The following PLEKHG3 variants were observed in gnomAD, a reference collection of about 807,000 sequenced individuals.
PLEKHG3 encodes the protein pleckstrin homology domain-containing family G member 3.
Under a neutral mutation model 94.9 loss-of-function variants are expected in PLEKHG3, and 62 were observed. The ratio of observed to expected loss-of-function variants is 0.65; its 90% CI spans 0.53 to 0.81. The LOEUF (loss-of-function observed/expected upper bound fraction) is 0.81, where lower values mean the gene tolerates loss of function less well. Among genes scored for constraint, PLEKHG3 ranks in the 30% least tolerant of loss-of-function variants. PLEKHG3 has a pLI of 0.00. For missense variants in PLEKHG3, 1,461 were observed against 1,619.3 expected, an observed-to-expected ratio of 0.90 and a Z score of 1.68; for synonymous variants, 614 against 654.0, an observed-to-expected ratio of 0.94 and a Z score of 0.93.
intron 1 of PLEKHG3, among the ~76,000 whole-genome samples, chr14:64,724,656 A>G (rs1018563102): frequency 3.3e-5 from 5 of 152,238 alleles, no homozygotes; most frequent in Non-Finnish European, 5.9e-5. Flanking sequence ...TCCGAGTGTC[A>G]TGTCATAAGC....
chr14:64,741,212 A>G lies in PLEKHG3; in HGVS notation c.1695A>G (p.Ala565=), dbSNP rs2139397267. 6.2e-7 allele frequency: 1 copy of G among 1,614,088 alleles called. No homozygotes were observed. Among genetic ancestry groups the G allele is most frequent in the Non-Finnish European group, 8.5e-7 (1 of 1,179,974 alleles). Residue 565 remains alanine, a synonymous_variant, in exon 16 of 17, where the codon GCA becomes GCG. Transcript: ENST00000247226. The part of the protein sequence containing the change: ...DPPGDMVDFV[A]AESTEDLKAL... ...CAGGTGACATGGTGGACTTCGTGGCAGCTGAGAGCACTGAGGACCTTAAGG... is the reference window on the plus strand; with the variant it reads ...CAGGTGACATGGTGGACTTCGTGGCGGCTGAGAGCACTGAGGACCTTAAGG...
chr14:64,731,729 C>T lies in PLEKHG3; in HGVS notation c.1048C>T (p.Leu350=). 1 of 1,613,106 alleles carries T rather than the reference C, an allele frequency of 6.2e-7. No individual in the cohort carries two copies. ...CTGCCCCTAGTGCTCCTCCCTGATG[C>T]TGATCGAAAGCACCAGAGACTCCCT... ...KGNIPCSSLM[L]IESTRDSLCF... The change falls in exon 9 of 17, where the codon CTG becomes TTG. Residue 350 remains leucine (L), a synonymous_variant. Transcript: ENST00000247226. This position sits in a 1 kb window ranked among gnomAD's most constrained non-coding sequence, Gnocchi z 6.1.
At chr14:64,708,058 A>G (rs1288897387) in intron 1 of PLEKHG3, among the ~76,000 whole-genome samples, 3 of 152,220 alleles carry the variant, frequency 2.0e-5, no homozygotes, top group African/African-American at 7.2e-5. Context: ...AAAGCTTTTC[A>G]TTTTAGATAT....
In PLEKHG3 at chr14:64,720,966, C is replaced by T. The variant is rs181910976; in HGVS notation, c.-39-6627C>T. Among the ~76,000 whole-genome samples, 11 of 152,310 alleles carry T rather than the reference C, an allele frequency of 7.2e-5. No individual in the cohort carries two copies. The East Asian group carries it at 2.1e-3, about 29-fold the overall frequency. ...ACTTCTGTCTGACTCTGACTCCTGC[C>T]GGATTCCTCTTACGAGGAGCCTTAT... On this transcript the variant is annotated intron_variant, in intron 1 of 16. Coordinates refer to ENST00000247226, the MANE Select transcript of PLEKHG3 (RefSeq NM_001308147.2). This position sits in a 1 kb window ranked among gnomAD's most constrained non-coding sequence, Gnocchi z 4.1.
At chr14:64,736,731 AG>A (rs2081577742) in intron 12 of PLEKHG3, 121 bp from the exon 13 acceptor site, 3 of 773,810 alleles carry the variant, frequency 3.9e-6, no homozygotes, top group East Asian at 2.5e-5. Flanking sequence ...CTATGACTGC[AG>A]GGGGCCAAGC....
chr14:64,743,593 G>A lies in PLEKHG3; in HGVS notation c.3550G>A (p.Ala1184Thr). Residue 1184 changes from alanine (A) to threonine (T), a missense_variant, in exon 17 of 17, where the codon GCA (alanine) becomes ACA (threonine). Physicochemically the swap from Ala to Thr is moderately conservative, Grantham distance 58. Transcript: ENST00000247226. This position sits in a 1 kb window ranked among gnomAD's most constrained non-coding sequence, Gnocchi z 7.2. ...GCAGGTTCAGGACTTCCAGCAGTCT[G>A]CAGAGTGCCAGCCGAAGGAAGAGGG... The part of the protein sequence containing the change: ...LGQVQDFQQS[A>T]ECQPKEEGSR... The A allele has an allele frequency of 6.2e-7, 1 of 1,612,952 alleles. No homozygotes were observed. The highest frequency in any genetic ancestry group is 8.5e-7 in the Non-Finnish European group (1 of 1,179,976).
At position 64,738,790 on chromosome 14, in the gene PLEKHG3, A is replaced by G; in HGVS notation, c.1453A>G (p.Ser485Gly). The change falls in exon 15 of 17, where the codon AGT becomes GGT. Residue 485 changes from serine (S) to glycine (G), a missense_variant. Around this residue, in one of 3 missense-constraint regions of PLEKHG3, gnomAD observed 1,201 missense variants for 1,295.5 expected, o/e 0.93. Coordinates refer to ENST00000247226, the MANE Select transcript of PLEKHG3 (RefSeq NM_001308147.2). The surrounding 1 kb of genome is among the most constrained non-coding windows in gnomAD (Gnocchi z 4.8). Reference protein sequence around the residue: ...SESSRSSRRPSGRSPTSTEKR... With the variant: ...SESSRSSRRPGGRSPTSTEKR... Reference sequence around the variant, plus strand: ...AAGCTCCAGGAGCAGCAGAAGGCCCAGTGGCCGGTCTCCAACCAGTACTGA... The same window carrying G: ...AAGCTCCAGGAGCAGCAGAAGGCCCGGTGGCCGGTCTCCAACCAGTACTGA... 1 of 1,600,784 alleles carries G rather than the reference A, an allele frequency of 6.2e-7. No individual in the cohort carries two copies. The highest frequency in any genetic ancestry group is 1.1e-5 in the South Asian group (1 of 88,446).
At position 64,742,034 on chromosome 14, in the gene PLEKHG3, C is replaced by T. The variant is rs1376831213; in HGVS notation, c.2517C>T (p.Gly839=). The T allele has an allele frequency of 1.9e-6, 3 of 1,594,752 alleles. No homozygotes were observed. The Admixed American group carries it at 5.1e-5, about 27-fold the overall frequency. ...GKGPGQGQAN[G]FDLHEPLFIL... ...GGCCAGGCCAGGGCCAGGCCAATGGCTTTGACCTGCATGAGCCACTCTTCA... is the reference window on the plus strand; with the variant it reads ...GGCCAGGCCAGGGCCAGGCCAATGGTTTTGACCTGCATGAGCCACTCTTCA... Residue 839 remains glycine (G), a synonymous_variant, in exon 16 of 17, where the codon GGC becomes GGT. Coordinates refer to ENST00000247226, the MANE Select transcript of PLEKHG3 (RefSeq NM_001308147.2).
In PLEKHG3 at chr14:64,721,362, C is replaced by T. The variant is rs957834022; in HGVS notation, c.-39-6231C>T. 1.3e-5 allele frequency among the ~76,000 whole-genome samples: 2 copies of T among 152,132 alleles called. No homozygotes were observed. Among genetic ancestry groups the T allele is most frequent in the Non-Finnish European group, 2.9e-5 (2 of 68,022 alleles). ...GCTTTCCTTTCCTTCCAAGGTCAGG[C>T]CGAGGGAACTTTCTGGACTTCAGTT... On this transcript the variant is annotated intron_variant, in intron 1 of 16. Coordinates refer to ENST00000247226, the MANE Select transcript of PLEKHG3 (RefSeq NM_001308147.2). The surrounding 1 kb of genome is among the most constrained non-coding windows in gnomAD (Gnocchi z 4.3).
At chr14:64,708,900 T>C (rs1223207487) in intron 1 of PLEKHG3, among the ~76,000 whole-genome samples, 2 of 145,044 alleles carry the variant, frequency 1.4e-5, no homozygotes, top group African/African-American at 5.1e-5. Context: ...TGCCAGTTGG[T>C]GCCTGGAGAC....
At chr14:64,737,191 T>G in intron 13 of PLEKHG3, 165 bp from the exon 14 acceptor site, 1 of 664,912 alleles carries the variant, frequency 1.5e-6, no homozygotes, top group Non-Finnish European at 2.7e-6. Flanking sequence ...TCAGTCATTC[T>G]TTTGAAAGCC....
chr14:64,727,519 CCTGGCAACCGT>C lies in PLEKHG3; in HGVS notation c.-39-72_-39-62del. 5.3e-6 allele frequency: 3 copies of C among 567,722 alleles called. No individual in the cohort carries two copies. Among genetic ancestry groups the C allele is most frequent in the South Asian group, 2.0e-5 (1 of 50,274 alleles). 35.2% of individuals were successfully genotyped at this position (567,722 alleles called of 1,614,324 possible). ...CCTTCCCACCCCACCTGCCCCCACCCCTGGCAACCGTCCCTCTGTTCTGTTTCTGTGGGCAT... is the reference window on the plus strand; with the variant it reads ...CCTTCCCACCCCACCTGCCCCCACCCCCCTCTGTTCTGTTTCTGTGGGCAT... On this transcript the variant is annotated intron_variant, in intron 1 of 16. Transcript: ENST00000247226. The surrounding 1 kb of genome is among the most constrained non-coding windows in gnomAD (Gnocchi z 6.0).
At chr14:64,705,102 G>T (rs1245272330) in intron 1 of PLEKHG3, among the ~76,000 whole-genome samples, 1 of 152,206 alleles carries the variant, frequency 6.6e-6, no homozygotes, top group Non-Finnish European at 1.5e-5. Flanking sequence ...GAGGACCCGA[G>T]CCTCGGCTCC....
At position 64,723,219 on chromosome 14, in the gene PLEKHG3, C is replaced by G. The variant is rs1388974738; in HGVS notation, c.-39-4374C>G. Among the ~76,000 whole-genome samples the G allele has an allele frequency of 6.6e-6, 1 of 152,156 alleles. No individual in the cohort carries two copies. The highest frequency in any genetic ancestry group is 1.5e-5 in the Non-Finnish European group (1 of 68,022). On this transcript the variant is annotated intron_variant, in intron 1 of 16. Transcript: ENST00000247226. The surrounding 1 kb of genome is among the most constrained non-coding windows in gnomAD (Gnocchi z 4.5). ...AAAGAAAAGAAACCTCCCTCTCTCC[C>G]CCTCTTCTGCCCCTGGATCCTTAAA...
At position 64,732,041 on chromosome 14, in the gene PLEKHG3, A is replaced by G. The variant is rs1566707413; in HGVS notation, c.1126-54A>G. ...GGTGGAAGCACTGTCCATGCTAGAC[A>G]GCTTCAGGCCTGTAATGATAACCAC... is the stretch of plus-strand genomic sequence containing the variant. On this transcript the variant is annotated intron_variant, in intron 9 of 16. Coordinates refer to ENST00000247226, the MANE Select transcript of PLEKHG3 (RefSeq NM_001308147.2). The surrounding 1 kb of genome is among the most constrained non-coding windows in gnomAD (Gnocchi z 4.9). 1.5e-6 allele frequency: 2 copies of G among 1,313,474 alleles called. No homozygotes were observed. The highest frequency in any genetic ancestry group is 2.2e-6 in the Non-Finnish European group (2 of 905,948). The allele number at this position is 1,313,474 out of a possible 1,614,324, so 81.4% of individuals were successfully genotyped here. A position where few individuals can be genotyped will look rare whatever the true frequency, so the allele number is the denominator to read the frequency against.
intron 1 of PLEKHG3, among the ~76,000 whole-genome samples, chr14:64,710,379 G>C (rs1359780103): frequency 6.6e-6 from 1 of 152,182 alleles, no homozygotes; most frequent in Non-Finnish European, 1.5e-5. Flanking sequence ...GCAAATGAAA[G>C]AGGATAAAGG....
At chr14:64,729,373 CT>C (rs1243496365) in intron 3 of PLEKHG3, among the ~76,000 whole-genome samples, 1 of 152,242 alleles carries the variant, frequency 6.6e-6, no homozygotes, top group Non-Finnish European at 1.5e-5. Flanking sequence ...CACACTGGTT[CT>C]CTTCCCTGTG....
chr14:64,732,755 A>G lies in PLEKHG3; in HGVS notation c.1247-48A>G. The G allele has an allele frequency of 2.1e-6, 3 of 1,448,096 alleles. No homozygotes were observed. The highest frequency in any genetic ancestry group is 2.9e-6 in the Non-Finnish European group (3 of 1,049,020). The allele number at this position is 1,448,096 out of a possible 1,614,324, so 89.7% of individuals were successfully genotyped here. A position where few individuals can be genotyped will look rare whatever the true frequency, so the allele number is the denominator to read the frequency against. ...TTATGGACAGGGTCTAGGGTAGGCCAAGGCCAATTGGGAATCAAAAGCTTG... is the reference window on the plus strand; with the variant it reads ...TTATGGACAGGGTCTAGGGTAGGCCGAGGCCAATTGGGAATCAAAAGCTTG... On this transcript the variant is annotated intron_variant, in intron 11 of 16. Transcript: ENST00000247226. This position sits in a 1 kb window ranked among gnomAD's most constrained non-coding sequence, Gnocchi z 4.9.
chr14:64,709,899 C>G (rs763063838), intron 1 of PLEKHG3, among the ~76,000 whole-genome samples: 2 of 152,128 alleles, frequency 1.3e-5, no homozygotes, highest in African/African-American at 4.8e-5. Flanking sequence ...TACTGTGTGA[C>G]GAGACCTTAG....
Sources: allele counts gnomAD v4.1 joint callset (sites outside exome capture counted in the v4.1 genomes callset), GRCh38; gene constraint gnomAD v4.1.1; regional missense constraint gnomAD v4.1.1; non-coding constraint Gnocchi (gnomAD v3.1); transcripts MANE v1.5; gene names NCBI Gene and HGNC (gene_info 2026-07-23, HGNC 2026-07-21).